The following HIVEP1 variants were observed in gnomAD, a reference collection of about 807,000 sequenced individuals.
The protein encoded by HIVEP1 is HIVEP zinc finger 1, also known as zinc finger protein 40.
HIVEP1 carries 36 observed loss-of-function variants against 180.0 expected under a neutral mutation model. That is an observed-to-expected ratio of 0.20 (90% CI 0.15 to 0.26). The LOEUF (loss-of-function observed/expected upper bound fraction) is 0.26, where lower values mean the gene tolerates loss of function less well. Among genes scored for constraint, HIVEP1 ranks in the 10% least tolerant of loss-of-function variants. The pLI, the probability that HIVEP1 is intolerant of heterozygous loss-of-function variation, is 1.00. For missense variants in HIVEP1, 3,143 were observed against 3,268.7 expected (o/e 0.96, Z 0.94); for synonymous variants, 1,239 against 1,239.0 (o/e 1.00, Z 0.00).
chr6:12,144,912 A>C (rs1040621916), intron 7 of HIVEP1, among the ~76,000 whole-genome samples: 1 of 152,146 alleles, frequency 6.6e-6, no homozygotes, highest in Non-Finnish European at 1.5e-5. Flanking sequence ...ACGCTTTTAC[A>C]CTATTGGTGG....
At chr6:12,081,135 G>C (rs1772760432) in intron 2 of HIVEP1, among the ~76,000 whole-genome samples, 2 of 152,066 alleles carry the variant, frequency 1.3e-5, no homozygotes, top group Admixed American at 1.3e-4. Context: ...TGAATTTTCT[G>C]TCTTTCCTCC....
At chr6:12,051,790 C>T (rs763730449) in intron 2 of HIVEP1, among the ~76,000 whole-genome samples, 31 of 152,066 alleles carry the variant, frequency 2.0e-4, no homozygotes, top group South Asian at 6.2e-4. Context: ...TCTTTATAAA[C>T]GCTTATTCAC....
At chr6:12,148,871 C>T (rs972947197) in intron 7 of HIVEP1, among the ~76,000 whole-genome samples, 3 of 152,184 alleles carry the variant, frequency 2.0e-5, no homozygotes, top group African/African-American at 7.2e-5. Context: ...ACCCAGGAAA[C>T]TCTTTTATTT....
At chr6:12,142,192 C>T (rs574272103) in intron 7 of HIVEP1, among the ~76,000 whole-genome samples, 1 of 152,324 alleles carries the variant, frequency 6.6e-6, no homozygotes, top group South Asian at 2.1e-4. Context: ...GTCTCTCAGA[C>T]CACAGTGCAA....
intron 2 of HIVEP1, among the ~76,000 whole-genome samples, chr6:12,077,562 G>T (rs1409398129): frequency 6.6e-6 from 1 of 152,176 alleles, no homozygotes; most frequent in Non-Finnish European, 1.5e-5. Context: ...AACTTACAAG[G>T]GGAAGATGGG....
intron 2 of HIVEP1, 126 bp from the exon 3 acceptor site, chr6:12,089,058 A>G (rs1561928124): frequency 5.3e-6 from 3 of 567,974 alleles, no homozygotes; most frequent in Admixed American, 6.5e-5. Flanking sequence ...ACACATCTGT[A>G]TCATAATTTA....
At chr6:12,044,457 G>A (rs1415974543) in intron 2 of HIVEP1, among the ~76,000 whole-genome samples, 2 of 152,148 alleles carry the variant, frequency 1.3e-5, no homozygotes, top group African/African-American at 2.4e-5. Context: ...CTATCGCCCT[G>A]TTAACGCCCC....
At chr6:12,049,917 G>T (rs527495216) in intron 2 of HIVEP1, among the ~76,000 whole-genome samples, 1 of 152,230 alleles carries the variant, frequency 6.6e-6, no homozygotes, top group African/African-American at 2.4e-5. Context: ...TTAAAATGAA[G>T]ATGAAAAATT....
intron 3 of HIVEP1, among the ~76,000 whole-genome samples, chr6:12,092,654 A>G (rs1209799990): frequency 1.3e-5 from 2 of 152,070 alleles, no homozygotes; most frequent in Non-Finnish European, 2.9e-5. Flanking sequence ...CCAAGAATTC[A>G]TTTTGTACTA....
intron 3 of HIVEP1, 131 bp downstream of exon 3, chr6:12,089,368 T>C: frequency 1.9e-6 from 1 of 517,146 alleles, no homozygotes; most frequent in South Asian, 3.3e-5. Flanking sequence ...TTGAACTTAT[T>C]GATACTTAAA....
At chr6:12,168,376 G>A (rs1581825295), downstream of HIVEP1, among the ~76,000 whole-genome samples, 4 of 119,538 alleles carry the variant, frequency 3.3e-5, no homozygotes, top group South Asian at 2.7e-4. Flanking sequence ...ACATATACAT[G>A]TATATATGTA....
At chr6:12,078,828 G>A (rs1421419848) in intron 2 of HIVEP1, among the ~76,000 whole-genome samples, 2 of 151,982 alleles carry the variant, frequency 1.3e-5, no homozygotes, top group Non-Finnish European at 2.9e-5. Flanking sequence ...ATGCCAGTGA[G>A]TTTGTTTTGT....
chr6:12,039,273 C>T (rs1202722470), intron 2 of HIVEP1: 1 of 152,202 alleles, frequency 6.6e-6, no homozygotes, highest in Non-Finnish European at 1.5e-5. Context: ...GTCCATGCCA[C>T]CTAACTTTTC....
At chr6:12,099,183 GTT>G (rs66482971) in intron 3 of HIVEP1, among the ~76,000 whole-genome samples, 1 of 138,452 alleles carries the variant, frequency 7.2e-6, no homozygotes, top group Non-Finnish European at 1.5e-5. Flanking sequence ...ATGTCACTGA[GTT>G]TTTTTTTTTT....
At chr6:12,054,527 T>C (rs1561893896) in intron 2 of HIVEP1, among the ~76,000 whole-genome samples, 1 of 152,210 alleles carries the variant, frequency 6.6e-6, no homozygotes, top group South Asian at 2.1e-4. Flanking sequence ...TAAAGCACAG[T>C]TGGCATCATA....
Position 12,124,118 on chromosome 6 carries a change from T to C in HIVEP1, c.4323T>C (p.Ser1441=), listed in dbSNP as rs753926539. The C allele has an allele frequency of 9.9e-6, 16 of 1,614,120 alleles. No homozygotes were observed. Among genetic ancestry groups the C allele is most frequent in the Middle Eastern group, 1.6e-4 (1 of 6,062 alleles). ...TATCTTTAAACATAGCCCCAGATAGTCATCTGTCTCCTGTACACCCAACAT... is the reference window on the plus strand; with the variant it reads ...TATCTTTAAACATAGCCCCAGATAGCCATCTGTCTCCTGTACACCCAACAT... ...RQISLNIAPD[S]HLSPVHPTSF... is the part of the protein sequence containing the mutation. Residue 1441 remains serine (S), a synonymous_variant, in exon 4 of 9, where the codon AGT becomes AGC. Coordinates refer to ENST00000379388, the MANE Select transcript of HIVEP1 (RefSeq NM_002114.4).
intron 2 of HIVEP1, among the ~76,000 whole-genome samples, chr6:12,028,191 A>G (rs1279138453): frequency 6.6e-6 from 1 of 152,228 alleles, no homozygotes; most frequent in Non-Finnish European, 1.5e-5. Flanking sequence ...CATAGTGGTC[A>G]TGAAGTATGG....
intron 2 of HIVEP1, among the ~76,000 whole-genome samples, chr6:12,077,859 C>A (rs1191245403): frequency 2.0e-5 from 3 of 152,194 alleles, no homozygotes; most frequent in African/African-American, 7.2e-5. Flanking sequence ...GCTACTCCCA[C>A]ATTTTAAATC....
chr6:12,170,038 A>G, the HIVEP1 span, among the ~76,000 whole-genome samples: 4 of 152,030 alleles, frequency 2.6e-5, no homozygotes, highest in Admixed American at 6.6e-5. Flanking sequence ...GGAGAATGGC[A>G]TGAACCTGGG....
Sources: gnomAD v4.1 joint callset for allele counts (sites outside exome capture counted in the v4.1 genomes callset) on GRCh38, gnomAD v4.1.1 for gene constraint, MANE v1.5 for transcripts, NCBI Gene and HGNC (gene_info 2026-07-23, HGNC 2026-07-21) for gene names.